Variants in CHKA observed in about 807,000 individuals in gnomAD.
The protein encoded by CHKA is CHETK-alpha.
In CHKA, 34 loss-of-function variants were observed where a neutral mutation model predicts 60.1. The ratio of observed to expected loss-of-function variants is 0.57; its 90% CI spans 0.43 to 0.75. CHKA has a LOEUF of 0.75. CHKA is among the 30% of genes least tolerant of loss of function. CHKA has a pLI of 0.00. For missense variants in CHKA, 563 were observed against 561.3 expected (o/e 1.00, Z -0.03); for synonymous variants, 217 against 223.1 (o/e 0.97, Z 0.24).
At chr11:68,120,796 G>A in intron 1 of CHKA, 32 bp downstream of exon 1, 1 of 1,149,994 alleles carries the variant, frequency 8.7e-7, no homozygotes, top group Non-Finnish European at 1.1e-6. Context: ...TCACCTGACT[G>A]TCCCGCGGCC....
chr11:68,086,328 T>TA (rs111429523), intron 2 of CHKA, among the ~76,000 whole-genome samples: 7,198 of 151,720 alleles, frequency 0.047, 203 homozygotes, highest in African/African-American at 0.078. Flanking sequence ...AAAAATACAA[T>TA]AAAAAAAATC....
intron 1 of CHKA, among the ~76,000 whole-genome samples, chr11:68,109,633 C>A (rs1426389343): frequency 6.6e-6 from 1 of 152,096 alleles, no homozygotes. Context: ...GAGACCTCAC[C>A]ATAGGACTAT....
At chr11:68,118,988 A>T (rs933018107) in intron 1 of CHKA, among the ~76,000 whole-genome samples, 5 of 152,210 alleles carry the variant, frequency 3.3e-5, no homozygotes, top group Admixed American at 2.0e-4. Flanking sequence ...TCAGGCTTTG[A>T]AGGCAGTAAA....
chr11:68,060,640 C>G (rs1856201165), intron 11 of CHKA, among the ~76,000 whole-genome samples: 1 of 152,172 alleles, frequency 6.6e-6, no homozygotes, highest in South Asian at 2.1e-4. Flanking sequence ...GTGAATCTGC[C>G]ATTTTCTTCT....
intron 1 of CHKA, among the ~76,000 whole-genome samples, chr11:68,105,562 T>C (rs968919161): frequency 6.8e-6 from 1 of 146,950 alleles, no homozygotes; most frequent in African/African-American, 2.5e-5. Context: ...GAAAGAAATA[T>C]GCCATCTCTA....
chr11:68,064,478 A>G, intron 10 of CHKA, 47 bp downstream of exon 10: 1 of 962,416 alleles, frequency 1.0e-6, no homozygotes, highest in Non-Finnish European at 1.6e-6. Flanking sequence ...AATATAGTCT[A>G]TAAAGAGGAA....
intron 11 of CHKA, chr11:68,061,749 G>C (rs1261734909): frequency 6.5e-6 from 4 of 611,150 alleles, no homozygotes; most frequent in Non-Finnish European, 1.2e-5. Flanking sequence ...GGCAACCACA[G>C]CATCAGTGAC....
intron 7 of CHKA, 77 bp from the exon 8 acceptor site, chr11:68,066,593 T>C: frequency 2.7e-6 from 3 of 1,120,876 alleles, no homozygotes; most frequent in East Asian, 2.4e-5. Flanking sequence ...GCCGAGAGAA[T>C]GGATTTGATC....
At chr11:68,119,937 A>G (rs578187793) in intron 1 of CHKA, among the ~76,000 whole-genome samples, 1 of 152,306 alleles carries the variant, frequency 6.6e-6, no homozygotes, top group South Asian at 2.1e-4. Flanking sequence ...GTTTAAAAAA[A>G]GGAAAAAATG....
At chr11:68,112,551 C>T (rs796261069) in intron 1 of CHKA, among the ~76,000 whole-genome samples, 162 of 152,280 alleles carry the variant, frequency 1.1e-3, no homozygotes, top group African/African-American at 3.4e-3. Context: ...TAAGCCACTG[C>T]GCCCAGCCAG....
chr11:68,111,815 A>T (rs1858154868), intron 1 of CHKA, among the ~76,000 whole-genome samples: 1 of 152,050 alleles, frequency 6.6e-6, no homozygotes, highest in South Asian at 2.1e-4. Flanking sequence ...GCACTTTGGG[A>T]GGCTGAGGCG....
chr11:68,081,003 A>G (rs753004282), intron 3 of CHKA, among the ~76,000 whole-genome samples: 3 of 152,362 alleles, frequency 2.0e-5, no homozygotes, highest in South Asian at 4.1e-4. Flanking sequence ...GGTGGCCACC[A>G]AAACCACTGG....
chr11:68,093,442 C>T (rs1005166844), intron 2 of CHKA, among the ~76,000 whole-genome samples: 1 of 152,150 alleles, frequency 6.6e-6, no homozygotes, highest in Non-Finnish European at 1.5e-5. Context: ...CCTCCTCCCC[C>T]CAAATTGGAA....
At chr11:68,072,742 G>A (rs1298337572) in intron 4 of CHKA, among the ~76,000 whole-genome samples, 1 of 151,782 alleles carries the variant, frequency 6.6e-6, no homozygotes, top group Non-Finnish European at 1.5e-5. Flanking sequence ...CTGTAATCCT[G>A]GTGACTTAGG....
intron 2 of CHKA, among the ~76,000 whole-genome samples, chr11:68,091,415 T>C (rs760114574): frequency 1.8e-4 from 27 of 152,242 alleles, no homozygotes; most frequent in East Asian, 3.8e-4. Context: ...TAATATTGTA[T>C]AGTTGTGTGT....
At chr11:68,113,899 G>A (rs1435135274) in intron 1 of CHKA, among the ~76,000 whole-genome samples, 1 of 151,902 alleles carries the variant, frequency 6.6e-6, no homozygotes, top group Non-Finnish European at 1.5e-5. Context: ...GCAGAGACAG[G>A]AGAATCGCTT....
chr11:68,096,501 A>G (rs2134658720), intron 2 of CHKA, among the ~76,000 whole-genome samples: 1 of 152,320 alleles, frequency 6.6e-6, no homozygotes, highest in African/African-American at 2.4e-5. Context: ...TAAGAATTAG[A>G]TTATCTAATA....
In CHKA at chr11:68,057,252, C is replaced by A. The variant is rs564607541; in HGVS notation, c.1315-3205G>T. Among the ~76,000 whole-genome samples, 6 of 151,710 alleles carry A rather than the reference C, an allele frequency of 4.0e-5. No individual in the cohort carries two copies. The South Asian group carries it at 1.2e-3, about 32-fold the overall frequency. On this transcript the variant is annotated intron_variant, in intron 11 of 11. Transcript: ENST00000265689. ...TGTTTCCTGCTCACAGCAACTTACT[C>A]TATTTTTTCCTCTTTTATGGCTAGT...
chr11:68,067,697 G>A (rs943828933), intron 7 of CHKA, among the ~76,000 whole-genome samples: 2 of 152,060 alleles, frequency 1.3e-5, no homozygotes, highest in Non-Finnish European at 2.9e-5. Flanking sequence ...CAACACAGCC[G>A]ATCTCCTCCA....
Sources: allele counts gnomAD v4.1 joint callset (sites outside exome capture counted in the v4.1 genomes callset), GRCh38; gene constraint gnomAD v4.1.1; transcripts MANE v1.5; gene names NCBI Gene and HGNC (gene_info 2026-07-23, HGNC 2026-07-21).